The following TMEM135 variants were observed in gnomAD, a reference collection of about 807,000 sequenced individuals.
TMEM135 encodes transmembrane protein 135.
Under a neutral mutation model 60.3 loss-of-function variants are expected in TMEM135, and 30 were observed. The observed-to-expected ratio is 0.50, with a 90% CI of 0.37 to 0.68. The LOEUF (loss-of-function observed/expected upper bound fraction) is 0.68, where lower values mean the gene tolerates loss of function less well. Among genes scored for constraint, TMEM135 ranks in the 30% least tolerant of loss-of-function variants. TMEM135 has a pLI of 0.00. For missense variants in TMEM135, 468 were observed against 548.8 expected (o/e 0.85, Z 1.47); for synonymous variants, 190 against 186.7 (o/e 1.02, Z -0.14).
At chr11:87,091,569 A>G (rs906520854) in intron 4 of TMEM135, among the ~76,000 whole-genome samples, 174 bp downstream of exon 4, 1 of 152,134 alleles carries the variant, frequency 6.6e-6, no homozygotes, top group Non-Finnish European at 1.5e-5. Context: ...GGTTTGTTCC[A>G]TCATATAGGA....
At chr11:87,079,770 A>T (rs1856947285) in intron 3 of TMEM135, among the ~76,000 whole-genome samples, 1 of 151,156 alleles carries the variant, frequency 6.6e-6, no homozygotes, top group South Asian at 2.1e-4. Flanking sequence ...AATGGATGTA[A>T]TATTTTGTTA....
Position 87,326,266 on chromosome 11 carries a change from C to T in TMEM135, c.*4933C>T. ...TATCTGCCTTGCTTAGACTCAGCAT[C>T]CCTTTCTGTCTTGAGAGATTCAGGC... On this transcript the variant is annotated 3_prime_UTR_variant, in exon 15 of 15. Transcript: ENST00000305494. 2.2e-6 allele frequency: 1 copy of T among 454,028 alleles called. No individual in the cohort carries two copies. The highest frequency in any genetic ancestry group is 1.6e-5 in the South Asian group (1 of 64,462). 28.1% of individuals were successfully genotyped at this position (454,028 alleles called of 1,614,324 possible).
intron 8 of TMEM135, among the ~76,000 whole-genome samples, chr11:87,302,932 C>T (rs1432924098): frequency 1.3e-5 from 2 of 152,210 alleles, no homozygotes; most frequent in Admixed American, 1.3e-4. Context: ...ATGTTTCATA[C>T]AAATTTTCAT....
intron 4 of TMEM135, among the ~76,000 whole-genome samples, chr11:87,135,158 G>T (rs1215859688): frequency 6.6e-6 from 1 of 151,780 alleles, no homozygotes; most frequent in Non-Finnish European, 1.5e-5. Flanking sequence ...TCTATATTTT[G>T]TAAAAAATTT....
chr11:87,062,110 A>T (rs1313214780), intron 1 of TMEM135, among the ~76,000 whole-genome samples: 1 of 151,870 alleles, frequency 6.6e-6, no homozygotes, highest in African/African-American at 2.4e-5. Context: ...GGTTCAAGCA[A>T]TTCTCCTGCC....
intron 5 of TMEM135, among the ~76,000 whole-genome samples, chr11:87,183,018 G>A (rs1373028897): frequency 2.0e-5 from 3 of 152,036 alleles, no homozygotes; most frequent in Non-Finnish European, 2.9e-5. Context: ...CAAGAGTTGA[G>A]GTTAATGGAG....
chr11:87,145,424 C>T (rs1283520679), intron 4 of TMEM135, among the ~76,000 whole-genome samples: 1 of 152,124 alleles, frequency 6.6e-6, no homozygotes, highest in Non-Finnish European at 1.5e-5. Context: ...AAACTGATTT[C>T]AAATCTTTTG....
At chr11:87,065,103 C>T (rs759487413) in intron 1 of TMEM135, among the ~76,000 whole-genome samples, 3 of 152,090 alleles carry the variant, frequency 2.0e-5, no homozygotes, top group East Asian at 1.9e-4. Flanking sequence ...TGAAGGGCAT[C>T]GGGGTTGTTT....
chr11:87,096,640 T>A (rs1184270384), intron 4 of TMEM135: 1 of 152,198 alleles, frequency 6.6e-6, no homozygotes, highest in African/African-American at 2.4e-5. Flanking sequence ...TTCTAAAAAA[T>A]TTTCTGTAGT....
At chr11:87,132,747 G>C (rs1591044298) in intron 4 of TMEM135, among the ~76,000 whole-genome samples, 1 of 151,976 alleles carries the variant, frequency 6.6e-6, no homozygotes, top group Non-Finnish European at 1.5e-5. Context: ...ATCCACAAGG[G>C]ATACATCCCA....
Position 87,321,444 on chromosome 11 carries a change from AT to A in TMEM135, c.*112del. The A allele has an allele frequency of 8.5e-7, 1 of 1,170,570 alleles. No individual in the cohort carries two copies. 72.5% of individuals were successfully genotyped at this position (1,170,570 alleles called of 1,614,324 possible). Reference sequence around the variant, plus strand: ...AACTTCAGTGTTATTTCAGTTAGAGATACTCTTTTCATTTGTTTTGTTTTTC... The same window carrying A: ...AACTTCAGTGTTATTTCAGTTAGAGAACTCTTTTCATTTGTTTTGTTTTTC... On this transcript the variant is annotated 3_prime_UTR_variant, in exon 15 of 15. Coordinates refer to ENST00000305494, the MANE Select transcript of TMEM135 (RefSeq NM_022918.4).
rs569993005 is a variant in TMEM135 at position 87,305,804 on chromosome 11, T to G, written c.699-132T>G. 2.2e-3 allele frequency: 925 copies of G among 412,432 alleles called. 5 individuals are homozygous for G. Among genetic ancestry groups the G allele is most frequent in the African/African-American group, 0.017 (809 of 47,030 alleles). The allele number at this position is 412,432 out of a possible 1,614,324, so 25.5% of individuals were successfully genotyped here. On this transcript the variant is annotated intron_variant, in intron 8 of 14. Coordinates refer to ENST00000305494, the MANE Select transcript of TMEM135 (RefSeq NM_022918.4). ...ATAAATAAATAAATAAATAAATAAA[T>G]AAAGTGATGTTTTCTTCTCTCTCTT...
intron 4 of TMEM135, among the ~76,000 whole-genome samples, chr11:87,099,648 C>T (rs1039081573): frequency 2.2e-5 from 3 of 135,602 alleles, no homozygotes; most frequent in Non-Finnish European, 4.8e-5. Flanking sequence ...AGTGCAGTTG[C>T]TGGGTTTATA....
chr11:87,196,296 T>G (rs1310496775), intron 5 of TMEM135, among the ~76,000 whole-genome samples: 2 of 152,160 alleles, frequency 1.3e-5, no homozygotes, highest in Non-Finnish European at 2.9e-5. Flanking sequence ...TGATTAAATA[T>G]TGCAGGTATA....
At chr11:87,146,943 T>C (rs1233912410) in intron 4 of TMEM135, among the ~76,000 whole-genome samples, 1 of 152,152 alleles carries the variant, frequency 6.6e-6, no homozygotes, top group African/African-American at 2.4e-5. Context: ...TTTTTGTATT[T>C]ATATTTATAA....
At chr11:87,289,282 C>T (rs1235135125) in intron 6 of TMEM135, among the ~76,000 whole-genome samples, 4 of 151,982 alleles carry the variant, frequency 2.6e-5, no homozygotes, top group African/African-American at 7.3e-5. Context: ...ATATTTATCA[C>T]GTCTTTGTAT....
At chr11:87,169,736 T>G (rs1362787145) in intron 5 of TMEM135, among the ~76,000 whole-genome samples, 1 of 152,158 alleles carries the variant, frequency 6.6e-6, no homozygotes, top group Non-Finnish European at 1.5e-5. Flanking sequence ...CCTTAACATA[T>G]TTTCCTTCAT....
At chr11:87,318,548 TA>T (rs202117723) in intron 13 of TMEM135, among the ~76,000 whole-genome samples, 58 of 146,664 alleles carry the variant, frequency 4.0e-4, no homozygotes, top group Middle Eastern at 3.5e-3. Context: ...TCCCTTTGAT[TA>T]AAAAAAAAAG....
intron 5 of TMEM135, among the ~76,000 whole-genome samples, chr11:87,195,385 C>CT (rs1386243376): frequency 0.016 from 1,492 of 91,494 alleles, 100 homozygotes; most frequent in Admixed American, 0.027. Flanking sequence ...TTCCTTCCTT[C>CT]CTTCCTTCTC....
Sources: gnomAD v4.1 joint callset for allele counts (sites outside exome capture counted in the v4.1 genomes callset) on GRCh38, gnomAD v4.1.1 for gene constraint, MANE v1.5 for transcripts, NCBI Gene and HGNC (gene_info 2026-07-23, HGNC 2026-07-21) for gene names.